Variants in VWC2L observed in about 807,000 individuals in gnomAD.
VWC2L encodes von Willebrand factor C domain containing 2 like.
Under a neutral mutation model 21.6 loss-of-function variants are expected in VWC2L, and 10 were observed. That is an observed-to-expected ratio of 0.46 (90% CI 0.29 to 0.78). VWC2L has a LOEUF of 0.78. Among genes scored for constraint, VWC2L ranks in the 30% least tolerant of loss-of-function variants. The pLI is 0.10. For synonymous variants in VWC2L, 96 were observed against 94.3 expected (o/e 1.02, Z -0.10); for missense variants, 209 against 277.1 (o/e 0.75, Z 1.74).
Position 214,575,889 on chromosome 2 carries a change from C to T in VWC2L, c.*69C>T. On this transcript the variant is annotated 3_prime_UTR_variant, in exon 4 of 4. Transcript: ENST00000312504. ...TGGCTTCAACACTGCACATGTTTAA[C>T]ACAAAACAAAACAAACAAACTCCTG... The T allele has an allele frequency of 6.6e-7, 1 of 1,508,748 alleles. No homozygotes were observed. The highest frequency in any genetic ancestry group is 1.3e-5 in the South Asian group (1 of 76,454). 93.5% of individuals were successfully genotyped at this position (1,508,748 alleles called of 1,614,324 possible). A position where few individuals can be genotyped will look rare whatever the true frequency, so the allele number is the denominator to read the frequency against.
chr2:214,536,113 A>G (rs1346890793), intron 3 of VWC2L, among the ~76,000 whole-genome samples: 2 of 152,118 alleles, frequency 1.3e-5, no homozygotes, highest in Non-Finnish European at 2.9e-5. Flanking sequence ...AGCCCCCATG[A>G]CTTGCATATT....
At chr2:214,563,583 C>CAAAAAAAAAAAAAAA (rs1328331072) in intron 3 of VWC2L, among the ~76,000 whole-genome samples, 16 of 95,968 alleles carry the variant, frequency 1.7e-4, no homozygotes, top group African/African-American at 2.2e-4. Flanking sequence ...AAAAAAAAAT[C>CAAAAAAAAAAAAAAA]AAGTGGTTCT....
chr2:214,466,167 G>C (rs1306423539), intron 3 of VWC2L, among the ~76,000 whole-genome samples: 1 of 152,102 alleles, frequency 6.6e-6, no homozygotes, highest in African/African-American at 2.4e-5. Flanking sequence ...GTTCTTGTTG[G>C]GGGAATGACT....
chr2:214,470,289 GA>G (rs1703285717), intron 3 of VWC2L, among the ~76,000 whole-genome samples: 1 of 151,284 alleles, frequency 6.6e-6, no homozygotes, highest in Non-Finnish European at 1.5e-5. Context: ...ACTAAAATAG[GA>G]AAAATTAGAA....
chr2:214,443,382 A>C (rs1185605629), intron 3 of VWC2L, among the ~76,000 whole-genome samples: 1 of 152,014 alleles, frequency 6.6e-6, no homozygotes, highest in Non-Finnish European at 1.5e-5. Context: ...AAAAACAAAA[A>C]CAAAAAAACA....
At chr2:214,479,552 C>A (rs563220845) in intron 3 of VWC2L, among the ~76,000 whole-genome samples, 7 of 152,306 alleles carry the variant, frequency 4.6e-5, no homozygotes, top group African/African-American at 1.4e-4. Context: ...CGCCTGTTAT[C>A]CCAGCAGTTT....
chr2:214,477,182 A>T (rs1400369455), intron 3 of VWC2L, among the ~76,000 whole-genome samples: 1 of 152,232 alleles, frequency 6.6e-6, no homozygotes, highest in Non-Finnish European at 1.5e-5. Context: ...TCAATTAGTC[A>T]GAAAATGCCA....
At chr2:214,528,083 T>C (rs1039620297) in intron 3 of VWC2L, among the ~76,000 whole-genome samples, 5 of 152,232 alleles carry the variant, frequency 3.3e-5, no homozygotes, top group African/African-American at 1.2e-4. Context: ...TTTTATAAAC[T>C]TTGTACTCAA....
chr2:214,468,849 G>A (rs1189715220), intron 3 of VWC2L, among the ~76,000 whole-genome samples: 3 of 152,104 alleles, frequency 2.0e-5, no homozygotes, highest in Non-Finnish European at 4.4e-5. Context: ...AGATTATCCT[G>A]ATGGCTTACA....
In VWC2L at chr2:214,439,496, A is replaced by G. The variant is rs556801691; in HGVS notation, c.520+2738A>G. On this transcript the variant is annotated intron_variant, in intron 3 of 3. Coordinates refer to ENST00000312504, the MANE Select transcript of VWC2L (RefSeq NM_001080500.4). Reference sequence around the variant, plus strand: ...AGGTAGATGCAACTAATTCTAACCTATAAACAGTCATAACATTTTCTACAT... The same window carrying G: ...AGGTAGATGCAACTAATTCTAACCTGTAAACAGTCATAACATTTTCTACAT... 2.2e-3 allele frequency among the ~76,000 whole-genome samples: 335 copies of G among 152,122 alleles called. 1 individual carries two copies. Among genetic ancestry groups the G allele is most frequent in the Middle Eastern group, 6.8e-3 (2 of 294 alleles).
At chr2:214,423,146 AT>A (rs759842441) in intron 2 of VWC2L, among the ~76,000 whole-genome samples, 8 of 152,070 alleles carry the variant, frequency 5.3e-5, no homozygotes, top group Admixed American at 1.3e-4. Flanking sequence ...TTTCACTACC[AT>A]TGTTACATCT....
intron 3 of VWC2L, among the ~76,000 whole-genome samples, chr2:214,518,701 A>G (rs1428549442): frequency 1.3e-5 from 2 of 152,198 alleles, no homozygotes; most frequent in Non-Finnish European, 2.9e-5. Flanking sequence ...TCCTGGGATT[A>G]CTTTTCTCAG....
chr2:214,488,768 C>T (rs1688707703), intron 3 of VWC2L, among the ~76,000 whole-genome samples: 1 of 152,192 alleles, frequency 6.6e-6, no homozygotes, highest in Non-Finnish European at 1.5e-5. Flanking sequence ...GCTGTTTCCA[C>T]TCATGGCAGA....
At chr2:214,486,616 G>C (rs1480815824) in intron 3 of VWC2L, among the ~76,000 whole-genome samples, 3 of 152,148 alleles carry the variant, frequency 2.0e-5, no homozygotes, top group Non-Finnish European at 4.4e-5. Context: ...TCACATGCCA[G>C]AGGAATGGAG....
rs568528683 is a variant in VWC2L, at chr2:214,512,285, T to A, written c.521-63387T>A. On this transcript the variant is annotated intron_variant, in intron 3 of 3. Coordinates refer to ENST00000312504, the MANE Select transcript of VWC2L (RefSeq NM_001080500.4). Reference sequence around the variant, plus strand: ...CTATGCTATCATGAGGTGATCAGAATCATTTGCATTTCAAAATTTTCACTA... The same window carrying A: ...CTATGCTATCATGAGGTGATCAGAAACATTTGCATTTCAAAATTTTCACTA... Among the ~76,000 whole-genome samples, 27 of 152,316 alleles carry A rather than the reference T, an allele frequency of 1.8e-4. No individual in the cohort carries two copies. In the South Asian group the frequency reaches 5.4e-3, roughly 30 times the overall value.
At chr2:214,461,675 G>A (rs1191410561) in intron 3 of VWC2L, among the ~76,000 whole-genome samples, 1 of 152,144 alleles carries the variant, frequency 6.6e-6, no homozygotes, top group Admixed American at 6.5e-5. Flanking sequence ...GCAGTGCCAG[G>A]CTGGTAACTC....
At chr2:214,449,757 T>C (rs529377498) in intron 3 of VWC2L, among the ~76,000 whole-genome samples, 67 of 152,318 alleles carry the variant, frequency 4.4e-4, no homozygotes, top group Non-Finnish European at 8.8e-4. Context: ...AGGAAGTTCC[T>C]GCATACATAC....
intron 2 of VWC2L, among the ~76,000 whole-genome samples, chr2:214,428,219 TCAAAA>T (rs1702553620): frequency 6.6e-6 from 1 of 152,160 alleles, no homozygotes; most frequent in Non-Finnish European, 1.5e-5. Flanking sequence ...TAGTTTAGTC[TCAAAA>T]CAATCCAATG....
intron 3 of VWC2L, among the ~76,000 whole-genome samples, chr2:214,499,043 CAG>C (rs1688854411): frequency 9.9e-6 from 1 of 101,296 alleles, no homozygotes; most frequent in Non-Finnish European, 1.8e-5. Flanking sequence ...TTTTTTGAGA[CAG>C]AGTCTTGCTG....
Sources: gnomAD v4.1 joint callset for allele counts (sites outside exome capture counted in the v4.1 genomes callset) on GRCh38, gnomAD v4.1.1 for gene constraint, MANE v1.5 for transcripts, NCBI Gene and HGNC (gene_info 2026-07-23, HGNC 2026-07-21) for gene names.